Variants in RP1 observed in about 807,000 individuals in gnomAD.
The protein encoded by RP1 is RP1 axonemal microtubule associated.
A neutral mutation model predicts 14.8 loss-of-function variants in RP1; 16 were observed. That is an observed-to-expected ratio of 1.08 (90% CI 0.73 to 1.65). The LOEUF (loss-of-function observed/expected upper bound fraction) is 1.65. Ranked by LOEUF, RP1 falls within the 40% of genes most tolerant of loss-of-function variation. The probability of loss-of-function intolerance (pLI) is 0.00; values close to 1 mark genes in which losing one functional copy is unlikely to be tolerated. For synonymous variants in RP1, 876 were observed against 883.6 expected, an observed-to-expected ratio of 0.99 and a Z score of 0.15; for missense variants, 2,631 against 2,535.0, an observed-to-expected ratio of 1.04 and a Z score of -0.81.
intron 24 of RP1, among the ~76,000 whole-genome samples, chr8:54,831,397 G>GTTT (rs1307612792): frequency 2.0e-5 from 1 of 50,208 alleles, no homozygotes; most frequent in Non-Finnish European, 3.9e-5. Context: ...ATAACCTATT[G>GTTT]TTTCTTTTTT....
intron 6 of RP1, among the ~76,000 whole-genome samples, chr8:54,658,704 A>C (rs1806812140): frequency 6.6e-6 from 1 of 152,234 alleles, no homozygotes; most frequent in Non-Finnish European, 1.5e-5. Flanking sequence ...TGCAAATTTA[A>C]ATATCTCTTT....
chr8:54,599,109 C>T (rs993617830), intron 1 of RP1, among the ~76,000 whole-genome samples: 2 of 152,090 alleles, frequency 1.3e-5, no homozygotes, highest in Non-Finnish European at 2.9e-5. Context: ...TTCTGCAAGT[C>T]CCTGAGGTTC....
chr8:54,839,043 C>A (rs1449388763), intron 25 of RP1, among the ~76,000 whole-genome samples: 1 of 152,188 alleles, frequency 6.6e-6, no homozygotes, highest in Non-Finnish European at 1.5e-5. Flanking sequence ...CCATTACCAT[C>A]ATCATCATTA....
At chr8:54,672,176 G>T (rs577666795) in intron 7 of RP1, among the ~76,000 whole-genome samples, 4 of 152,282 alleles carry the variant, frequency 2.6e-5, no homozygotes, top group Admixed American at 1.3e-4. Context: ...GAAAAGACAG[G>T]CTGCAGGGCT....
At chr8:54,852,773 T>C (rs899146564) in intron 26 of RP1, 92 of 1,215,894 alleles carry the variant, frequency 7.6e-5, no homozygotes, top group Non-Finnish European at 9.0e-5. Flanking sequence ...CTATCGTTCC[T>C]TTAATTTATT....
chr8:54,850,902 G>A (rs1014569238), intron 25 of RP1, among the ~76,000 whole-genome samples: 3 of 152,314 alleles, frequency 2.0e-5, no homozygotes, highest in Non-Finnish European at 2.9e-5. Flanking sequence ...GGGTGGAATT[G>A]TGTATTGTTC....
chr8:54,628,326 G>C lies in RP1; in HGVS notation c.4444G>C (p.Val1482Leu). The change falls in exon 4 of 4, where the codon GTG becomes CTG. Residue 1482 changes from valine to leucine, a missense_variant. Coordinates refer to ENST00000220676, the MANE Select transcript of RP1 (RefSeq NM_006269.2). ...CCATGACACTGATATCTTTAATACA[G>C]TGGTAAATGGAGGAGAGCAAGCCAC... ...ENHDTDIFNT[V>L]VNGGEQATEE... 2.5e-6 allele frequency: 4 copies of C among 1,613,844 alleles called. No individual in the cohort carries two copies. The highest frequency in any genetic ancestry group is 3.4e-6 in the Non-Finnish European group (4 of 1,179,918).
chr8:54,592,980 T>C (rs1034004804), intron 1 of RP1, among the ~76,000 whole-genome samples: 28 of 152,160 alleles, frequency 1.8e-4, no homozygotes, highest in Non-Finnish European at 4.0e-4. Flanking sequence ...CCTACAGGCA[T>C]CAGTGATTAG....
At chr8:54,702,012 A>G (rs989122166) in intron 14 of RP1, among the ~76,000 whole-genome samples, 2 of 152,170 alleles carry the variant, frequency 1.3e-5, no homozygotes, top group African/African-American at 2.4e-5. Context: ...TGAGTGTTGT[A>G]TACATTTGAT....
intron 24 of RP1, among the ~76,000 whole-genome samples, chr8:54,801,416 A>C (rs955460011): frequency 1.3e-5 from 2 of 151,534 alleles, no homozygotes; most frequent in Non-Finnish European, 2.9e-5. Flanking sequence ...TGTTTTTGCC[A>C]CTCCCCTCAG....
chr8:54,858,677 T>A (rs1011623454), intron 27 of RP1, among the ~76,000 whole-genome samples: 1 of 151,990 alleles, frequency 6.6e-6, no homozygotes, highest in African/African-American at 2.4e-5. Flanking sequence ...TGGAGCAGTG[T>A]CACTGTAGAG....
At chr8:54,643,882 C>T (rs1490908930) in intron 3 of RP1, among the ~76,000 whole-genome samples, 1 of 152,136 alleles carries the variant, frequency 6.6e-6, no homozygotes, top group African/African-American at 2.4e-5. Flanking sequence ...TAACAGTTTG[C>T]TTTCTAGCCC....
In RP1 at chr8:54,629,948, G is replaced by T. The variant is rs746624465; in HGVS notation, c.6066G>T (p.Lys2022Asn). The change falls in exon 4 of 4, where the codon AAG becomes AAT. Residue 2022 changes from lysine (K) to asparagine (N), a missense_variant. Physicochemically the swap from Lys to Asn is moderately conservative, Grantham distance 94. Transcript: ENST00000220676. The stretch of plus-strand genomic sequence containing the variant: ...GGTTAGAGGAAGAAGGTAATTTAAA[G>T]AAATTTCAACCAGATTTGAAGGAAA... ...FLGLEEEGNL[K>N]KFQPDLKERF... 3.7e-6 allele frequency: 6 copies of T among 1,613,798 alleles called. No individual in the cohort carries two copies. The African/African-American group carries it at 5.3e-5, about 14-fold the overall frequency.
At chr8:54,610,517 A>G (rs80026519) in intron 1 of RP1, among the ~76,000 whole-genome samples, 2,439 of 152,282 alleles carry the variant, frequency 0.016, 75 homozygotes, top group African/African-American at 0.056. Context: ...AAGAATCTTC[A>G]GTATACTGCC....
At chr8:54,840,252 C>CATT (rs945755233) in intron 25 of RP1, among the ~76,000 whole-genome samples, 4 of 151,436 alleles carry the variant, frequency 2.6e-5, no homozygotes, top group Non-Finnish European at 4.4e-5. Context: ...TTAATGGCTG[C>CATT]ATTATTATTA....
chr8:54,863,048 T>G (rs1475075362), intron 27 of RP1, among the ~76,000 whole-genome samples: 1 of 127,246 alleles, frequency 7.9e-6, no homozygotes, highest in Non-Finnish European at 1.6e-5. Context: ...CAAATGGATA[T>G]ATATATATAT....
chr8:54,659,147 G>A (rs3906757), intron 6 of RP1, among the ~76,000 whole-genome samples: 10,254 of 152,062 alleles, frequency 0.067, 1,099 homozygotes, highest in African/African-American at 0.23. Flanking sequence ...ATATGATTGG[G>A]AAATATTTTT....
At chr8:54,604,647 G>C (rs60670804) in intron 1 of RP1, among the ~76,000 whole-genome samples, 3,382 of 152,182 alleles carry the variant, frequency 0.022, 122 homozygotes, top group African/African-American at 0.073. Context: ...GGTAGAATTC[G>C]GCAGTCAATC....
At chr8:54,832,019 C>G (rs1811541983) in intron 24 of RP1, among the ~76,000 whole-genome samples, 2 of 151,842 alleles carry the variant, frequency 1.3e-5, no homozygotes, top group South Asian at 4.1e-4. Context: ...AAAATAGCCA[C>G]TATTCTTACT....
Sources: allele counts gnomAD v4.1 joint callset (sites outside exome capture counted in the v4.1 genomes callset), GRCh38; gene constraint gnomAD v4.1.1; transcripts MANE v1.5; gene names NCBI Gene and HGNC (gene_info 2026-07-23, HGNC 2026-07-21).